SLC10A1: variants seen among roughly 807,000 people sequenced by gnomAD.
SLC10A1 encodes the protein solute carrier family 10 member 1.
In SLC10A1, 36 loss-of-function variants were observed where a neutral mutation model predicts 20.5. The observed-to-expected ratio is 1.75, with a 90% CI of 1.34 to 2.32. The LOEUF (loss-of-function observed/expected upper bound fraction) is 2.32. SLC10A1 is among the 30% of genes most tolerant of loss of function. The pLI is 0.00. For missense variants in SLC10A1, 545 were observed against 439.1 expected (o/e 1.24, Z -2.16); for synonymous variants, 188 against 163.6 (o/e 1.15, Z -1.14).
At chr14:69,791,335 C>G (rs1471690933) in intron 1 of SLC10A1, among the ~76,000 whole-genome samples, 2 of 151,254 alleles carry the variant, frequency 1.3e-5, no homozygotes, top group African/African-American at 4.9e-5. Context: ...GAGTCTCGCT[C>G]TGTCACCCAG....
At chr14:69,784,720 AATGAG>A (rs946144885) in intron 2 of SLC10A1, among the ~76,000 whole-genome samples, 1 of 152,050 alleles carries the variant, frequency 6.6e-6, no homozygotes, top group Non-Finnish European at 1.5e-5. Flanking sequence ...ATATTTTAGA[AATGAG>A]AGAGAGGGGA....
In SLC10A1 at chr14:69,789,914, G is replaced by GGTT. The variant is rs531791169; in HGVS notation, c.357-3608_357-3607insAAC. Among the ~76,000 whole-genome samples the GGTT allele has an allele frequency of 8.0e-4, 115 of 142,902 alleles. 1 individual carries two copies. Among genetic ancestry groups the GGTT allele is most frequent in the African/African-American group, 2.9e-3 (114 of 38,974 alleles). 93.7% of individuals were successfully genotyped at this position (142,902 alleles called of 152,430 possible). A position where few individuals can be genotyped will look rare whatever the true frequency, so the allele number is the denominator to read the frequency against. On this transcript the variant is annotated intron_variant, in intron 1 of 4. Transcript: ENST00000216540. ...TAGAATCAGTAAAACCAAAAATAGG[G>GGTT]TTTTTTTTTTTTCTTTTTTTTTTTA...
At chr14:69,781,343 C>T (rs940176447) in intron 2 of SLC10A1, among the ~76,000 whole-genome samples, 1 of 152,204 alleles carries the variant, frequency 6.6e-6, no homozygotes, top group Non-Finnish European at 1.5e-5. Context: ...CTTCATTGCC[C>T]TGCTCACAAC....
intron 2 of SLC10A1, 69 bp from the exon 3 acceptor site, chr14:69,779,429 C>G: frequency 7.7e-7 from 1 of 1,306,920 alleles, no homozygotes; most frequent in Non-Finnish European, 1.1e-6. Context: ...TGGGGAAGCA[C>G]AGGTAGAAAT....
rs757442230 is a variant in SLC10A1 at position 69,797,152 on chromosome 14, C to A, written c.4G>T (p.Glu2Ter). The A allele has an allele frequency of 8.1e-6, 13 of 1,605,874 alleles. No individual in the cohort carries two copies. The highest frequency in any genetic ancestry group is 1.1e-5 in the Non-Finnish European group (13 of 1,175,310). ...AATGGGGCAGACGCGTTGTGGGCCT[C>A]CATCCTCCTGTGAGGCAGTGGAAGA... M[E>*]AHNASAPFNF... is the part of the protein sequence containing the mutation. The change falls in exon 1 of 5, where the codon GAG (glutamate) becomes TAG (stop). Residue 2 changes from glutamate to a stop codon, truncating the protein, a stop_gained. Transcript: ENST00000216540. LOFTEE classifies it high-confidence loss of function.
chr14:69,783,133 A>C (rs1883636141), intron 2 of SLC10A1, among the ~76,000 whole-genome samples: 1 of 152,222 alleles, frequency 6.6e-6, no homozygotes, highest in Admixed American at 6.5e-5. Context: ...AATGATGCAC[A>C]CAAACATGTT....
chr14:69,791,881 T>A (rs1031849041), intron 1 of SLC10A1, among the ~76,000 whole-genome samples: 1 of 152,182 alleles, frequency 6.6e-6, no homozygotes, highest in Non-Finnish European at 1.5e-5. Flanking sequence ...GAGCTCTCCA[T>A]GTGAAAATCA....
chr14:69,781,781 G>T (rs1036539599), intron 2 of SLC10A1, among the ~76,000 whole-genome samples: 1 of 152,228 alleles, frequency 6.6e-6, no homozygotes, highest in Non-Finnish European at 1.5e-5. Context: ...GCATGGGTAA[G>T]TTAAAAATTA....
At chr14:69,778,299 C>G in intron 4 of SLC10A1, 34 bp downstream of exon 4, 2 of 1,529,140 alleles carry the variant, frequency 1.3e-6, no homozygotes, top group East Asian at 4.5e-5. Context: ...AATATTGGAG[C>G]AGAACTTGAA....
Position 69,776,350 on chromosome 14 carries a change from C to T in SLC10A1, c.982G>A (p.Glu328Lys), listed in dbSNP as rs571658472. The T allele has an allele frequency of 6.2e-7, 1 of 1,613,976 alleles. No homozygotes were observed. Among genetic ancestry groups the T allele is most frequent in the South Asian group, 1.1e-5 (1 of 91,068 alleles). ...TTTCCCAGAGCTCCTGGAATTGTTT[C>T]TTCAGTTGTGGCAGCTGTGTAGATC... is the stretch of plus-strand genomic sequence containing the variant. ...KMIYTAATTE[E>K]TIPGALGNGT... The change falls in exon 5 of 5, where the codon GAA becomes AAA. Residue 328 changes from glutamate to lysine, a missense_variant. Coordinates refer to ENST00000216540, the MANE Select transcript of SLC10A1 (RefSeq NM_003049.4).
chr14:69,785,483 A>G (rs1270560400), intron 2 of SLC10A1, among the ~76,000 whole-genome samples: 1 of 151,836 alleles, frequency 6.6e-6, no homozygotes, highest in East Asian at 1.9e-4. Context: ...AGGCTCTTTG[A>G]CCACTCCAGC....
intron 1 of SLC10A1, among the ~76,000 whole-genome samples, chr14:69,795,891 G>A (rs531938914): frequency 6.6e-6 from 1 of 152,074 alleles, no homozygotes; most frequent in Non-Finnish European, 1.5e-5. Flanking sequence ...GCGTCTCCAC[G>A]GAGGACTAAA....
intron 1 of SLC10A1, among the ~76,000 whole-genome samples, chr14:69,794,710 G>A (rs1882352651): frequency 6.6e-6 from 1 of 152,258 alleles, no homozygotes; most frequent in Non-Finnish European, 1.5e-5. Flanking sequence ...ATGTGCATGG[G>A]AGGGTTGTTT....
At chr14:69,787,023 G>A (rs1883733462) in intron 1 of SLC10A1, among the ~76,000 whole-genome samples, 1 of 152,174 alleles carries the variant, frequency 6.6e-6, no homozygotes, top group South Asian at 2.1e-4. Context: ...TAATTGAAGG[G>A]CCATAATGGT....
intron 3 of SLC10A1, 112 bp from the exon 4 acceptor site, chr14:69,778,641 A>G (rs375377594): frequency 2.3e-6 from 2 of 888,506 alleles, no homozygotes; most frequent in African/African-American, 1.7e-5. Context: ...GACCCTGGAC[A>G]GGGGTACTTT....
intron 2 of SLC10A1, among the ~76,000 whole-genome samples, chr14:69,785,665 C>T (rs978350375): frequency 2.0e-5 from 3 of 149,620 alleles, no homozygotes; most frequent in African/African-American, 4.9e-5. Flanking sequence ...GGCGCGATCT[C>T]GGCTCACTGC....
At chr14:69,783,695 T>C (rs1418443233) in intron 2 of SLC10A1, among the ~76,000 whole-genome samples, 1 of 152,202 alleles carries the variant, frequency 6.6e-6, no homozygotes, top group Non-Finnish European at 1.5e-5. Context: ...TGATAGAGTT[T>C]GTACTTCACA....
chr14:69,791,189 A>G (rs1003898625), intron 1 of SLC10A1, among the ~76,000 whole-genome samples: 1 of 152,246 alleles, frequency 6.6e-6, no homozygotes, highest in African/African-American at 2.4e-5. Flanking sequence ...CTCAATTTAT[A>G]TATAAATGTA....
At chr14:69,780,495 AAG>A (rs1181912565) in intron 2 of SLC10A1, among the ~76,000 whole-genome samples, 1 of 148,472 alleles carries the variant, frequency 6.7e-6, no homozygotes, top group Admixed American at 6.9e-5. Flanking sequence ...CATTTTAAAA[AAG>A]TAAAATATGT....
Sources: allele counts gnomAD v4.1 joint callset (sites outside exome capture counted in the v4.1 genomes callset), GRCh38; gene constraint gnomAD v4.1.1; transcripts MANE v1.5; gene names NCBI Gene and HGNC (gene_info 2026-07-23, HGNC 2026-07-21).